Variants in CPQ observed in about 807,000 individuals in gnomAD.
The protein encoded by CPQ is Ser-Met dipeptidase.
Under a neutral mutation model 45.7 loss-of-function variants are expected in CPQ, and 37 were observed. The observed-to-expected ratio is 0.81, with a 90% CI of 0.62 to 1.07. The LOEUF (loss-of-function observed/expected upper bound fraction) is 1.07. CPQ is among the 50% of genes least tolerant of loss of function. The pLI is 0.00. For missense variants in CPQ, 537 were observed against 572.9 expected (o/e 0.94, Z 0.64); for synonymous variants, 186 against 205.8 (o/e 0.90, Z 0.82).
intron 5 of CPQ, among the ~76,000 whole-genome samples, chr8:96,973,106 G>A (rs1813709156): frequency 6.6e-6 from 1 of 152,058 alleles, no homozygotes; most frequent in East Asian, 1.9e-4. Flanking sequence ...CCAGAGAAAG[G>A]TGAAGTCCAA....
At chr8:97,101,641 T>C (rs1223427790) in intron 7 of CPQ, among the ~76,000 whole-genome samples, 1 of 150,608 alleles carries the variant, frequency 6.6e-6, no homozygotes, top group Admixed American at 6.6e-5. Context: ...TTGGCCATTA[T>C]GTCTCTTTGA....
chr8:96,940,755 A>G (rs1813114421), intron 4 of CPQ, among the ~76,000 whole-genome samples: 1 of 152,216 alleles, frequency 6.6e-6, no homozygotes, highest in Non-Finnish European at 1.5e-5. Context: ...GAAGAGCTAC[A>G]TGGAGTTGAA....
At chr8:96,812,898 TAA>T (rs544223840) in intron 2 of CPQ, among the ~76,000 whole-genome samples, 1 of 145,446 alleles carries the variant, frequency 6.9e-6, no homozygotes, top group African/African-American at 2.5e-5. Context: ...CATTCCTGTT[TAA>T]AAAAAAAAAG....
rs184095791 is a variant in CPQ at position 96,813,903 on chromosome 8, A to G, written c.434-21070A>G. Among the ~76,000 whole-genome samples, 202 of 152,250 alleles carry G rather than the reference A, an allele frequency of 1.3e-3. 2 individuals are homozygous for G. The highest frequency in any genetic ancestry group is 9.8e-3 in the Admixed American group (150 of 15,288). ...TGACGGACACTTATCTTCCAGCACT[A>G]TAATAGGCCTCATTATGGTACATAT... On this transcript the variant is annotated intron_variant, in intron 2 of 7. Transcript: ENST00000220763.
At chr8:96,683,788 A>G (rs1233291077) in intron 1 of CPQ, among the ~76,000 whole-genome samples, 6 of 145,254 alleles carry the variant, frequency 4.1e-5, no homozygotes, top group South Asian at 2.1e-4. Context: ...ACCTGTCTTC[A>G]TGTTCAGCAG....
chr8:96,875,830 TA>T (rs1159216298), intron 3 of CPQ, among the ~76,000 whole-genome samples: 2 of 151,936 alleles, frequency 1.3e-5, no homozygotes, highest in African/African-American at 4.8e-5. Context: ...TTTCTTTTTT[TA>T]AAAAAAGCAG....
chr8:96,867,657 A>AT (rs1439334645), intron 3 of CPQ, among the ~76,000 whole-genome samples: 1 of 151,952 alleles, frequency 6.6e-6, no homozygotes, highest in African/African-American at 2.4e-5. Context: ...TTTTTAAGTC[A>AT]TTTTTTGCTA....
intron 4 of CPQ, among the ~76,000 whole-genome samples, chr8:96,886,329 T>C (rs942814103): frequency 6.6e-6 from 1 of 152,228 alleles, no homozygotes; most frequent in Non-Finnish European, 1.5e-5. Context: ...GACCCATCTA[T>C]GGTTGAGAAT....
intron 1 of CPQ, among the ~76,000 whole-genome samples, chr8:96,652,995 G>T (rs772720018): frequency 6.6e-6 from 1 of 151,848 alleles, no homozygotes; most frequent in Non-Finnish European, 1.5e-5. Context: ...ACAGGGGCGT[G>T]ATCTTGGCTC....
At chr8:97,089,211 C>A (rs1002166252) in intron 7 of CPQ, among the ~76,000 whole-genome samples, 1 of 146,744 alleles carries the variant, frequency 6.8e-6, no homozygotes. Flanking sequence ...CCATTACACT[C>A]CAGCCTGGGC....
intron 3 of CPQ, among the ~76,000 whole-genome samples, chr8:96,867,575 A>C (rs1480374129): frequency 6.6e-6 from 1 of 151,994 alleles, no homozygotes; most frequent in Non-Finnish European, 1.5e-5. Context: ...AAAATGTAGA[A>C]AAGTCAAGAA....
chr8:96,967,033 A>G (rs1813578178), intron 5 of CPQ, among the ~76,000 whole-genome samples: 2 of 152,190 alleles, frequency 1.3e-5, no homozygotes, highest in African/African-American at 2.4e-5. Flanking sequence ...AGCAAATAAA[A>G]CTGAAAATCA....
chr8:97,119,853 A>T lies in CPQ; in HGVS notation c.1256-23167A>T, dbSNP rs146828465. ...ATTTACAAGACATGAACTTCAGATC[A>T]TGCCAACATCTCTGCTGAGGTCACC... is the stretch of plus-strand genomic sequence containing the variant. On this transcript the variant is annotated intron_variant, in intron 7 of 7. Coordinates refer to ENST00000220763, the MANE Select transcript of CPQ (RefSeq NM_016134.4). Among the ~76,000 whole-genome samples, 61 of 152,324 alleles carry T rather than the reference A, an allele frequency of 4.0e-4. No homozygotes were observed. The East Asian group carries it at 0.011, about 28-fold the overall frequency.
At chr8:97,091,319 T>C (rs1165473418) in intron 7 of CPQ, among the ~76,000 whole-genome samples, 1 of 152,224 alleles carries the variant, frequency 6.6e-6, no homozygotes, top group Non-Finnish European at 1.5e-5. Flanking sequence ...CTTTGTTTTT[T>C]CTGGGCTTAA....
At chr8:97,105,397 ATC>A (rs1189474138) in intron 7 of CPQ, among the ~76,000 whole-genome samples, 1 of 152,164 alleles carries the variant, frequency 6.6e-6, no homozygotes, top group East Asian at 1.9e-4. Flanking sequence ...TCAGAATTTC[ATC>A]TCTTTTTAAG....
chr8:97,087,369 C>T (rs1453376283), intron 7 of CPQ, among the ~76,000 whole-genome samples: 1 of 151,994 alleles, frequency 6.6e-6, no homozygotes, highest in Non-Finnish European at 1.5e-5. Context: ...CTCAGGCAGG[C>T]AGCCTCGCCC....
intron 4 of CPQ, among the ~76,000 whole-genome samples, chr8:96,881,532 A>G (rs933453530): frequency 3.3e-5 from 5 of 152,198 alleles, no homozygotes; most frequent in Admixed American, 6.5e-5. Flanking sequence ...ATTCCACATG[A>G]GATTTGGGCA....
chr8:97,085,584 C>A lies in CPQ; in HGVS notation c.1255+19374C>A, dbSNP rs188085868. On this transcript the variant is annotated intron_variant, in intron 7 of 7. Transcript: ENST00000220763. ...AACACCTCAGATATTTGGCAATACC[C>A]AGAATATTGACCATTTTTCCTATTT... 7.9e-5 allele frequency among the ~76,000 whole-genome samples: 12 copies of A among 152,210 alleles called. No individual in the cohort carries two copies. In the East Asian group the frequency reaches 2.1e-3, roughly 27 times the overall value.
rs567784301 is a variant in CPQ at position 96,771,569 on chromosome 8, T to C, written c.-34-13295T>C. On this transcript the variant is annotated intron_variant, in intron 1 of 7. Transcript: ENST00000220763. ...AAAAGTACAGTCTGGATGCTTACTT[T>C]GCAGGGTAGTATGTTAGGTGCCCAG... 1.5e-4 allele frequency among the ~76,000 whole-genome samples: 23 copies of C among 152,262 alleles called. No individual in the cohort carries two copies. The South Asian group carries it at 3.7e-3, about 25-fold the overall frequency.
Sources: gnomAD v4.1 joint callset for allele counts (sites outside exome capture counted in the v4.1 genomes callset) on GRCh38, gnomAD v4.1.1 for gene constraint, MANE v1.5 for transcripts, NCBI Gene and HGNC (gene_info 2026-07-23, HGNC 2026-07-21) for gene names.